The following GOLGA4 variants were observed in gnomAD, a reference collection of about 807,000 sequenced individuals.
GOLGA4 encodes golgin A4, also known as golgin subfamily A member 4.
Under a neutral mutation model 265.9 loss-of-function variants are expected in GOLGA4, and 169 were observed. That is an observed-to-expected ratio of 0.64 (90% confidence interval 0.56 to 0.72). GOLGA4 has a LOEUF of 0.72. Among genes scored for constraint, GOLGA4 ranks in the 30% least tolerant of loss-of-function variants. The pLI is 0.00. For synonymous variants in GOLGA4, 923 were observed against 855.8 expected, an observed-to-expected ratio of 1.08 and a Z score of -1.37; for missense variants, 2,482 against 2,483.4, an observed-to-expected ratio of 1.00 and a Z score of 0.01.
intron 19 of GOLGA4, among the ~76,000 whole-genome samples, chr3:37,339,509 C>A (rs1479212801): frequency 1.3e-5 from 2 of 152,164 alleles, no homozygotes; most frequent in Non-Finnish European, 2.9e-5. Flanking sequence ...TTTTACATTA[C>A]CATCAACAAA....
chr3:37,269,233 G>T (rs950450788), intron 2 of GOLGA4, among the ~76,000 whole-genome samples: 1 of 152,300 alleles, frequency 6.6e-6, no homozygotes, highest in South Asian at 2.1e-4. Context: ...AGTTCTACAG[G>T]CACCTCGCTA....
At chr3:37,310,784 G>A (rs2096921067) in intron 10 of GOLGA4, among the ~76,000 whole-genome samples, 1 of 150,658 alleles carries the variant, frequency 6.6e-6, no homozygotes, top group Non-Finnish European at 1.5e-5. Context: ...ATTTTGCTTT[G>A]GAAGAACACA....
At chr3:37,333,960 A>G (rs2097000319) in intron 16 of GOLGA4, among the ~76,000 whole-genome samples, 1 of 152,162 alleles carries the variant, frequency 6.6e-6, no homozygotes, top group Admixed American at 6.5e-5. Context: ...GTTTTTGGTA[A>G]GTCAATGTCT....
chr3:37,351,329 G>C (rs2097073823), intron 21 of GOLGA4, among the ~76,000 whole-genome samples: 1 of 152,102 alleles, frequency 6.6e-6, no homozygotes, highest in Non-Finnish European at 1.5e-5. Flanking sequence ...TGGTTCTCTT[G>C]ATAGCTGCAC....
intron 2 of GOLGA4, among the ~76,000 whole-genome samples, chr3:37,258,986 C>A (rs7618155): frequency 6.6e-6 from 1 of 151,930 alleles, no homozygotes; most frequent in Non-Finnish European, 1.5e-5. Context: ...AGTAATACAG[C>A]CCCCATGAAA....
chr3:37,254,260 T>C (rs2096742024), intron 2 of GOLGA4, among the ~76,000 whole-genome samples: 2 of 152,298 alleles, frequency 1.3e-5, no homozygotes, highest in South Asian at 2.1e-4. Context: ...AATGCAATAA[T>C]GTAAATAATA....
intron 20 of GOLGA4, 132 bp from the exon 21 acceptor site, chr3:37,347,061 A>T (rs2097058747): frequency 1.8e-6 from 1 of 569,634 alleles, no homozygotes; most frequent in Non-Finnish European, 3.2e-6. Context: ...GTGTGTATAC[A>T]ATGCAATATG....
At chr3:37,349,329 C>T (rs2097066398) in intron 21 of GOLGA4, among the ~76,000 whole-genome samples, 1 of 152,108 alleles carries the variant, frequency 6.6e-6, no homozygotes, top group African/African-American at 2.4e-5. Context: ...AAGACAGAAA[C>T]AGAGTCCTCA....
At chr3:37,292,164 G>C (rs1024899299) in intron 5 of GOLGA4, among the ~76,000 whole-genome samples, 6 of 151,920 alleles carry the variant, frequency 3.9e-5, no homozygotes, top group African/African-American at 1.5e-4. Context: ...AGTGTTTTTT[G>C]GTTTGTTTTT....
At chr3:37,297,995 C>G (rs1373928866) in intron 7 of GOLGA4, among the ~76,000 whole-genome samples, 1 of 151,834 alleles carries the variant, frequency 6.6e-6, no homozygotes, top group Non-Finnish European at 1.5e-5. Context: ...TGCCACTGCA[C>G]TCCAGTCTGG....
chr3:37,298,890 A>G lies in GOLGA4; in HGVS notation c.872A>G (p.Gln291Arg). 1 of 1,613,834 alleles carries G rather than the reference A, an allele frequency of 6.2e-7. No individual in the cohort carries two copies. Among genetic ancestry groups the G allele is most frequent in the Non-Finnish European group, 8.5e-7 (1 of 1,179,772 alleles). Residue 291 changes from glutamine to arginine, a missense_variant, in exon 8 of 24, where the codon CAA becomes CGA. Coordinates refer to ENST00000361924, the MANE Select transcript of GOLGA4 (RefSeq NM_002078.5). ...ACACTCCAGCAAAGAGTGAAGCGTC[A>G]AGAGAACCTACTTAAGCGTTGTAAG... ...LETLQQRVKR[Q>R]ENLLKRCKET...
At chr3:37,249,710 T>C (rs554898141) in intron 1 of GOLGA4, 11 of 152,274 alleles carry the variant, frequency 7.2e-5, no homozygotes, top group African/African-American at 2.4e-4. Flanking sequence ...GGTGTTGGAG[T>C]TCTTGGTTGT....
intron 20 of GOLGA4, among the ~76,000 whole-genome samples, chr3:37,341,357 T>C (rs1046375427): frequency 2.6e-5 from 4 of 152,236 alleles, no homozygotes; most frequent in African/African-American, 9.6e-5. Context: ...CTACATGTTT[T>C]GTAAACCTTT....
chr3:37,265,440 A>G (rs1353439690), intron 2 of GOLGA4, among the ~76,000 whole-genome samples: 1 of 152,204 alleles, frequency 6.6e-6, no homozygotes, highest in Non-Finnish European at 1.5e-5. Context: ...TTTATGTTTT[A>G]TCTTCTCCAT....
intron 4 of GOLGA4, among the ~76,000 whole-genome samples, chr3:37,288,419 T>C (rs923324344): frequency 9.4e-5 from 14 of 149,716 alleles, no homozygotes; most frequent in African/African-American, 3.2e-4. Context: ...AGCTTCTTGA[T>C]TTTTTTTAGT....
At chr3:37,307,474 A>T (rs2096909919) in intron 10 of GOLGA4, among the ~76,000 whole-genome samples, 1 of 152,216 alleles carries the variant, frequency 6.6e-6, no homozygotes, top group Admixed American at 6.5e-5. Flanking sequence ...CTTAAGTCTC[A>T]CAAAACATCT....
chr3:37,362,237 ATTAT>A lies in GOLGA4; in HGVS notation c.*33+935_*33+938del, dbSNP rs1271458379. ...TATTTATTTATTTATTTATTTATTT[ATTAT>A]TTTTTTTTTTTTTGAGACGGAGTCT... On this transcript the variant is annotated intron_variant, in intron 23 of 23. Coordinates refer to ENST00000361924, the MANE Select transcript of GOLGA4 (RefSeq NM_002078.5). Among the ~76,000 whole-genome samples, 356 of 54,410 alleles carry A rather than the reference ATTAT, an allele frequency of 6.5e-3. 5 individuals carry two copies. Among genetic ancestry groups the A allele is most frequent in the African/African-American group, 0.016 (327 of 20,408 alleles). The allele number at this position is 54,410 out of a possible 152,430, so 35.7% of individuals were successfully genotyped here. A position where few individuals can be genotyped will look rare whatever the true frequency, so the allele number is the denominator to read the frequency against.
chr3:37,298,678 C>T (rs1386773969), intron 7 of GOLGA4, among the ~76,000 whole-genome samples, 155 bp from the exon 8 acceptor site: 1 of 152,160 alleles, frequency 6.6e-6, no homozygotes. Context: ...AAAGTTAGTT[C>T]AGCCTACACC....
chr3:37,282,313 C>T, intron 3 of GOLGA4, 41 bp downstream of exon 3: 2 of 1,446,840 alleles, frequency 1.4e-6, no homozygotes, highest in Non-Finnish European at 1.9e-6. Flanking sequence ...AATTTCTTCC[C>T]CTTGTTCTCT....
Sources: gnomAD v4.1 joint callset for allele counts (sites outside exome capture counted in the v4.1 genomes callset) on GRCh38, gnomAD v4.1.1 for gene constraint, MANE v1.5 for transcripts, NCBI Gene and HGNC (gene_info 2026-07-23, HGNC 2026-07-21) for gene names.